TENM3: variants seen among roughly 807,000 people sequenced by gnomAD.
TENM3 encodes teneurin transmembrane protein 3.
A neutral mutation model predicts 255.1 loss-of-function variants in TENM3; 63 were observed. The ratio of observed to expected loss-of-function variants is 0.25; its 90% CI spans 0.20 to 0.30. TENM3 has a LOEUF of 0.30. Ranked by LOEUF, TENM3 falls within the 10% of genes least tolerant of loss-of-function variation. TENM3 has a pLI of 1.00. For missense variants in TENM3, 2,929 were observed against 3,461.1 expected (o/e 0.85, Z 3.86); for synonymous variants, 1,306 against 1,322.3 (o/e 0.99, Z 0.27).
At chr4:181,984,137 T>A in the TENM3 span, among the ~76,000 whole-genome samples, 1 of 152,168 alleles carries the variant, frequency 6.6e-6, no homozygotes, top group South Asian at 2.1e-4. Context: ...TCTTTAATCC[T>A]CCTCGGTTCT....
chr4:182,447,548 G>T (rs1773031005), intron 3 of TENM3, among the ~76,000 whole-genome samples: 1 of 152,194 alleles, frequency 6.6e-6, no homozygotes, highest in Admixed American at 6.5e-5. Flanking sequence ...AGGAAAGACC[G>T]TGGGGGAAGA....
intron 3 of TENM3, among the ~76,000 whole-genome samples, chr4:182,509,478 A>G (rs1484300821): frequency 1.3e-5 from 2 of 152,206 alleles, no homozygotes; most frequent in Admixed American, 1.3e-4. Flanking sequence ...CACTGAGAAT[A>G]TTATTTCCTA....
chr4:181,801,496 A>G, the TENM3 span, among the ~76,000 whole-genome samples: 5 of 151,966 alleles, frequency 3.3e-5, no homozygotes, highest in African/African-American at 7.3e-5. Flanking sequence ...GGAGGGGGCC[A>G]TGTAGAGGAG....
intron 6 of TENM3, among the ~76,000 whole-genome samples, chr4:182,667,173 T>TG: frequency 8.3e-6 from 1 of 119,862 alleles, no homozygotes. Flanking sequence ...AAGTTACCAT[T>TG]TTTTTGTTTT....
At chr4:181,600,450 G>A in the TENM3 span, among the ~76,000 whole-genome samples, 1 of 152,142 alleles carries the variant, frequency 6.6e-6, no homozygotes. Context: ...GCACTTTTGA[G>A]AGAAGACTGG....
At chr4:181,904,687 G>A in the TENM3 span, among the ~76,000 whole-genome samples, 2 of 152,056 alleles carry the variant, frequency 1.3e-5, no homozygotes, top group Admixed American at 1.3e-4. Flanking sequence ...TCCCTCAAAT[G>A]CTCCATGATT....
At chr4:181,891,344 T>C in the TENM3 span, among the ~76,000 whole-genome samples, 1 of 152,160 alleles carries the variant, frequency 6.6e-6, no homozygotes, top group East Asian at 1.9e-4. Context: ...ATTCCCTCCC[T>C]AAACAACCCA....
At chr4:182,470,885 C>T (rs1733055881) in intron 3 of TENM3, among the ~76,000 whole-genome samples, 2 of 152,120 alleles carry the variant, frequency 1.3e-5, no homozygotes, top group African/African-American at 4.8e-5. Flanking sequence ...CATTTGAATA[C>T]AACAATTACC....
At chr4:182,294,429 A>AC (rs1761336444) in intron 1 of TENM3, among the ~76,000 whole-genome samples, 1 of 144,322 alleles carries the variant, frequency 6.9e-6, no homozygotes, top group Non-Finnish European at 1.5e-5. Context: ...CCCTAAACAG[A>AC]CTTTTTTTTT....
At chr4:182,223,461 A>G (rs961682146) in intron 1 of TENM3, among the ~76,000 whole-genome samples, 6 of 152,200 alleles carry the variant, frequency 3.9e-5, no homozygotes, top group African/African-American at 1.2e-4. Context: ...GCTGGCATAG[A>G]AAGCAGCAGG....
At chr4:182,719,902 A>C (rs1049375719) in intron 13 of TENM3, among the ~76,000 whole-genome samples, 1 of 152,060 alleles carries the variant, frequency 6.6e-6, no homozygotes, top group South Asian at 2.1e-4. Flanking sequence ...CTCTACAAAA[A>C]ATATAAAAAT....
chr4:182,796,423 G>C (rs979942115), intron 26 of TENM3, among the ~76,000 whole-genome samples: 4 of 152,152 alleles, frequency 2.6e-5, no homozygotes, highest in African/African-American at 9.7e-5. Context: ...TCTATTACTC[G>C]CATTTTTCGT....
chr4:182,167,820 G>T (rs904437219), intron 1 of TENM3, among the ~76,000 whole-genome samples: 11 of 152,264 alleles, frequency 7.2e-5, no homozygotes, highest in East Asian at 5.8e-4. Flanking sequence ...AGGAGGTGGA[G>T]GTGCAGTGAG....
intron 12 of TENM3, among the ~76,000 whole-genome samples, chr4:182,701,743 A>G (rs1716702709): frequency 6.6e-6 from 1 of 152,214 alleles, no homozygotes; most frequent in African/African-American, 2.4e-5. Flanking sequence ...GCAAAAGTCT[A>G]GATATGCAAT....
chr4:181,639,512 G>A, the TENM3 span, among the ~76,000 whole-genome samples: 1 of 152,096 alleles, frequency 6.6e-6, no homozygotes, highest in African/African-American at 2.4e-5. Context: ...GGCCGAGGCG[G>A]GTGGATCACC....
chr4:182,555,875 A>AT (rs1742534325), intron 3 of TENM3, among the ~76,000 whole-genome samples: 1 of 152,086 alleles, frequency 6.6e-6, no homozygotes, highest in Non-Finnish European at 1.5e-5. Flanking sequence ...CTCTAAAAGA[A>AT]TAACTTCCCA....
intron 12 of TENM3, among the ~76,000 whole-genome samples, chr4:182,689,218 T>C (rs1756827760): frequency 6.6e-6 from 1 of 152,204 alleles, no homozygotes; most frequent in South Asian, 2.1e-4. Context: ...ATTTGTGGTA[T>C]AGTATTTCTC....
the TENM3 span, among the ~76,000 whole-genome samples, chr4:181,527,746 T>C: frequency 1.3e-5 from 2 of 151,942 alleles, no homozygotes; most frequent in Non-Finnish European, 2.9e-5. Flanking sequence ...AATAGAAACA[T>C]TCATAATTCT....
intron 3 of TENM3, 32 bp from the exon 4 acceptor site, chr4:182,600,892 T>C: frequency 9.4e-7 from 1 of 1,066,830 alleles, no homozygotes; most frequent in Non-Finnish European, 1.4e-6. Flanking sequence ...TAATGAGTTC[T>C]CTTTCTTTTT....
Sources: allele counts gnomAD v4.1 joint callset (sites outside exome capture counted in the v4.1 genomes callset), GRCh38; gene constraint gnomAD v4.1.1; transcripts MANE v1.5; gene names NCBI Gene and HGNC (gene_info 2026-07-23, HGNC 2026-07-21).